ENTHD1: variants seen among roughly 807,000 people sequenced by gnomAD.
ENTHD1 encodes the protein ENTH domain containing 1, also known as ENTH domain-containing protein 1.
In ENTHD1, 23 loss-of-function variants were observed where a neutral mutation model predicts 39.1. That is an observed-to-expected ratio of 0.59 (90% confidence interval 0.42 to 0.83). The LOEUF (loss-of-function observed/expected upper bound fraction) is 0.83. Among genes scored for constraint, ENTHD1 ranks in the 40% least tolerant of loss-of-function variants. The probability of loss-of-function intolerance (pLI) is 0.00; values close to 1 mark genes in which losing one functional copy is unlikely to be tolerated. For synonymous variants in ENTHD1, 230 were observed against 258.2 expected (o/e 0.89, Z 1.05); for missense variants, 624 against 705.4 (o/e 0.88, Z 1.31).
chr22:39,746,547 G>T (rs781559170), intron 6 of ENTHD1, among the ~76,000 whole-genome samples: 6 of 152,156 alleles, frequency 3.9e-5, no homozygotes, highest in Non-Finnish European at 8.8e-5. Flanking sequence ...AAGTGTGGAG[G>T]ATTAAAAGTT....
chr22:39,861,604 T>C (rs1326844247), intron 3 of ENTHD1, among the ~76,000 whole-genome samples, 161 bp downstream of exon 3: 1 of 152,150 alleles, frequency 6.6e-6, no homozygotes, highest in Non-Finnish European at 1.5e-5. Flanking sequence ...AAATCTTCTA[T>C]TGAATATTCT....
At chr22:39,848,673 G>T (rs2066010779) in intron 3 of ENTHD1, among the ~76,000 whole-genome samples, 1 of 152,100 alleles carries the variant, frequency 6.6e-6, no homozygotes, top group Non-Finnish European at 1.5e-5. Flanking sequence ...TTCTGTCCAC[G>T]CTCAAAGGGG....
chr22:39,786,709 A>G (rs1313743192), intron 5 of ENTHD1, among the ~76,000 whole-genome samples: 2 of 152,120 alleles, frequency 1.3e-5, no homozygotes, highest in Non-Finnish European at 2.9e-5. Flanking sequence ...CTCACCACCC[A>G]GCCCCTGGCA....
chr22:39,793,593 C>T (rs1447306464), intron 5 of ENTHD1, among the ~76,000 whole-genome samples: 1 of 152,136 alleles, frequency 6.6e-6, no homozygotes, highest in East Asian at 1.9e-4. Context: ...AGTGTTTCCC[C>T]TATGTTTTCT....
chr22:39,838,994 A>G (rs1452667013), intron 3 of ENTHD1, among the ~76,000 whole-genome samples: 1 of 152,154 alleles, frequency 6.6e-6, no homozygotes, highest in Admixed American at 6.5e-5. Context: ...AGATTCCCTT[A>G]GATACATTTA....
chr22:39,792,780 T>C (rs1700639922), intron 5 of ENTHD1, among the ~76,000 whole-genome samples: 1 of 152,180 alleles, frequency 6.6e-6, no homozygotes, highest in African/African-American at 2.4e-5. Flanking sequence ...TTTCTTTGAA[T>C]GTCCGAGTAT....
chr22:39,807,770 A>C (rs2065654572), intron 5 of ENTHD1, among the ~76,000 whole-genome samples: 1 of 152,152 alleles, frequency 6.6e-6, no homozygotes, highest in Non-Finnish European at 1.5e-5. Context: ...GTCACATCTA[A>C]ATTTTTTTAA....
intron 5 of ENTHD1, among the ~76,000 whole-genome samples, chr22:39,811,095 G>A (rs991667081): frequency 6.6e-6 from 1 of 152,226 alleles, no homozygotes; most frequent in Non-Finnish European, 1.5e-5. Flanking sequence ...GAAAGTTCAA[G>A]GGAATGCCAC....
intron 6 of ENTHD1, among the ~76,000 whole-genome samples, chr22:39,758,359 T>C (rs1247225475): frequency 6.6e-6 from 1 of 152,214 alleles, no homozygotes; most frequent in Non-Finnish European, 1.5e-5. Context: ...TGAGTGGTAA[T>C]GCATTCAGTC....
At chr22:39,810,222 G>C (rs1291960719) in intron 5 of ENTHD1, among the ~76,000 whole-genome samples, 1 of 152,172 alleles carries the variant, frequency 6.6e-6, no homozygotes, top group Non-Finnish European at 1.5e-5. Context: ...ACTGTACTTA[G>C]ATAAGTACTT....
At chr22:39,749,836 A>G (rs4597643) in intron 6 of ENTHD1, among the ~76,000 whole-genome samples, 138,618 of 152,272 alleles carry the variant, frequency 0.91, 63,308 homozygotes, top group East Asian at 0.99. Flanking sequence ...GGCTGAGCGA[A>G]GGGTTCCAGG....
chr22:39,765,478 C>T lies in ENTHD1; in HGVS notation c.964G>A (p.Ala322Thr). ...LLETPLEKQS[A>T]AEGLKTLTIL... ...GTCAATGTTTTAAGACCTTCTGCAGCTGATTGCTTTTCTAAAGGTGTTTCC... is the reference window on the plus strand; with the variant it reads ...GTCAATGTTTTAAGACCTTCTGCAGTTGATTGCTTTTCTAAAGGTGTTTCC... The change falls in exon 6 of 7, where the codon GCT becomes ACT. Residue 322 changes from alanine to threonine, a missense_variant. By Grantham distance (58) the Ala-to-Thr change is moderately conservative. Coordinates refer to ENST00000325157, the MANE Select transcript of ENTHD1 (RefSeq NM_152512.4). 6.2e-7 allele frequency: 1 copy of T among 1,613,882 alleles called. No individual in the cohort carries two copies. The highest frequency in any genetic ancestry group is 8.5e-7 in the Non-Finnish European group (1 of 1,179,938).
At chr22:39,848,862 C>A (rs1263324928) in intron 3 of ENTHD1, among the ~76,000 whole-genome samples, 1 of 152,148 alleles carries the variant, frequency 6.6e-6, no homozygotes, top group Non-Finnish European at 1.5e-5. Context: ...CAAAGTTTTG[C>A]CTTTTTACCT....
chr22:39,772,996 A>G (rs981158515), intron 5 of ENTHD1, among the ~76,000 whole-genome samples: 4 of 152,022 alleles, frequency 2.6e-5, no homozygotes, highest in Non-Finnish European at 1.5e-5. Context: ...ACGGAATTAA[A>G]GAACTAGCTA....
intron 5 of ENTHD1, among the ~76,000 whole-genome samples, chr22:39,801,096 T>C (rs2065594970): frequency 6.6e-6 from 1 of 152,212 alleles, no homozygotes; most frequent in Non-Finnish European, 1.5e-5. Context: ...CTTATCACAA[T>C]TGAGTGATTA....
chr22:39,763,779 C>T (rs989650460), intron 6 of ENTHD1, among the ~76,000 whole-genome samples: 1 of 152,110 alleles, frequency 6.6e-6, no homozygotes. Flanking sequence ...AGGAACTTCT[C>T]GCTAAATTTT....
rs533092576 is a variant in ENTHD1, at chr22:39,886,069, TA to T, written c.349+1330del. ...TATATCTCAATAAAGTTTTTTTTTT[TA>T]AAAAAAGGGAAGAAAAAAATAAACT... On this transcript the variant is annotated intron_variant, in intron 2 of 6. Transcript: ENST00000325157. Among the ~76,000 whole-genome samples, 529 of 139,298 alleles carry T rather than the reference TA, an allele frequency of 3.8e-3. 4 individuals carry two copies. Among genetic ancestry groups the T allele is most frequent in the African/African-American group, 0.015 (504 of 34,540 alleles). 91.4% of individuals were successfully genotyped at this position (139,298 alleles called of 152,430 possible).
At chr22:39,853,694 C>T (rs985369470) in intron 3 of ENTHD1, among the ~76,000 whole-genome samples, 2 of 152,104 alleles carry the variant, frequency 1.3e-5, no homozygotes, top group African/African-American at 2.4e-5. Context: ...CTGCCTTAGC[C>T]TCCTGAGTAG....
intron 2 of ENTHD1, among the ~76,000 whole-genome samples, chr22:39,866,491 G>T (rs1392615306): frequency 6.6e-6 from 1 of 152,160 alleles, no homozygotes; most frequent in African/African-American, 2.4e-5. Flanking sequence ...TTTAATTTTG[G>T]GTGTGGTCAC....
Sources: allele counts gnomAD v4.1 joint callset (sites outside exome capture counted in the v4.1 genomes callset), GRCh38; gene constraint gnomAD v4.1.1; transcripts MANE v1.5; gene names NCBI Gene and HGNC (gene_info 2026-07-23, HGNC 2026-07-21).